PEPD: variants seen among roughly 807,000 people sequenced by gnomAD.
PEPD encodes the protein xaa-Pro dipeptidase.
PEPD carries 53 observed loss-of-function variants against 60.7 expected under a neutral mutation model. That is an observed-to-expected ratio of 0.87 (90% CI 0.70 to 1.10). PEPD has a LOEUF of 1.10. Among genes scored for constraint, PEPD ranks in the 50% least tolerant of loss-of-function variants. PEPD has a pLI of 0.00. For missense variants in PEPD, 711 were observed against 711.9 expected (o/e 1.00, Z 0.01); for synonymous variants, 267 against 284.1 (o/e 0.94, Z 0.60).
At chr19:33,394,958 C>T (rs991535968) in intron 12 of PEPD, among the ~76,000 whole-genome samples, 2 of 152,216 alleles carry the variant, frequency 1.3e-5, no homozygotes, top group African/African-American at 4.8e-5. Context: ...CCTGGGCCAT[C>T]TCTTTAGAAC....
chr19:33,423,005 C>T (rs1057139635), intron 9 of PEPD, among the ~76,000 whole-genome samples: 1 of 152,092 alleles, frequency 6.6e-6, no homozygotes, highest in African/African-American at 2.4e-5. Flanking sequence ...ACCTACCTAT[C>T]GTCTATCCAT....
intron 13 of PEPD, among the ~76,000 whole-genome samples, chr19:33,389,659 C>A (rs767609525): frequency 6.6e-6 from 1 of 152,236 alleles, no homozygotes; most frequent in Non-Finnish European, 1.5e-5. Context: ...CATGGGCCCA[C>A]CCCGGCTGCT....
intron 12 of PEPD, among the ~76,000 whole-genome samples, chr19:33,396,580 G>A (rs939193036): frequency 2.0e-5 from 3 of 152,146 alleles, no homozygotes; most frequent in Admixed American, 6.5e-5. Context: ...AAACACAAAA[G>A]AGCTCATGAA....
intron 13 of PEPD, among the ~76,000 whole-genome samples, chr19:33,389,783 C>G (rs1261508247): frequency 6.6e-6 from 1 of 152,272 alleles, no homozygotes; most frequent in Non-Finnish European, 1.5e-5. Context: ...GAAGGGATCC[C>G]CAGCGGGCAC....
intron 1 of PEPD, among the ~76,000 whole-genome samples, chr19:33,515,389 G>A (rs893844052): frequency 2.0e-5 from 3 of 152,174 alleles, no homozygotes; most frequent in Non-Finnish European, 2.9e-5. Flanking sequence ...GGACACCAGC[G>A]GCCAGAGCTT....
In PEPD at chr19:33,387,966, T is replaced by C; in HGVS notation, c.1268A>G (p.Asp423Gly). ...GCGGGCCGGGTCCGCCAGGGCCTCATCCAGGAGGTGGTCGATGAAGTAGAT... is the reference window on the plus strand; with the variant it reads ...GCGGGCCGGGTCCGCCAGGGCCTCACCCAGGAGGTGGTCGATGAAGTAGAT... ...PGIYFIDHLL[D>G]EALADPARAS... The change falls in exon 14 of 15, where the codon GAT (aspartate) becomes GGT (glycine). Residue 423 changes from aspartate to glycine, a missense_variant. Coordinates refer to ENST00000244137, the MANE Select transcript of PEPD (RefSeq NM_000285.4). 2 of 1,596,796 alleles carry C rather than the reference T, an allele frequency of 1.3e-6. No individual in the cohort carries two copies. Among genetic ancestry groups the C allele is most frequent in the East Asian group, 4.5e-5 (2 of 44,230 alleles).
At chr19:33,434,560 T>C (rs1969338258) in intron 9 of PEPD, among the ~76,000 whole-genome samples, 2 of 151,868 alleles carry the variant, frequency 1.3e-5, no homozygotes, top group African/African-American at 4.8e-5. Context: ...CAGGCGGGAA[T>C]GGGGTTCTCC....
intron 9 of PEPD, among the ~76,000 whole-genome samples, chr19:33,458,304 G>T (rs1203802822): frequency 6.6e-6 from 1 of 151,164 alleles, no homozygotes; most frequent in Non-Finnish European, 1.5e-5. Flanking sequence ...TGGTGTGTAG[G>T]TGCATGTGGC....
At chr19:33,487,830 T>TG (rs1241968407) in intron 6 of PEPD, among the ~76,000 whole-genome samples, 2 of 152,044 alleles carry the variant, frequency 1.3e-5, no homozygotes, top group South Asian at 2.1e-4. Context: ...CCACAGGGAC[T>TG]GGGGGGCAAC....
chr19:33,438,727 C>T (rs898319567), intron 9 of PEPD, among the ~76,000 whole-genome samples: 1 of 152,244 alleles, frequency 6.6e-6, no homozygotes, highest in Non-Finnish European at 1.5e-5. Context: ...GTGCTTCCTG[C>T]CCTTTTGAGA....
intron 12 of PEPD, 141 bp from the exon 13 acceptor site, chr19:33,391,620 T>C: frequency 1.3e-6 from 1 of 760,952 alleles, no homozygotes; most frequent in Non-Finnish European, 2.2e-6. Context: ...GGGTACTACA[T>C]CGGGGGCCCA....
chr19:33,395,684 C>G (rs1461039099), intron 12 of PEPD, among the ~76,000 whole-genome samples: 1 of 152,190 alleles, frequency 6.6e-6, no homozygotes, highest in Non-Finnish European at 1.5e-5. Flanking sequence ...GGCCTCCTAC[C>G]CGGAGTGTGA....
chr19:33,501,423 A>C (rs1428444480), intron 3 of PEPD, among the ~76,000 whole-genome samples: 1 of 152,172 alleles, frequency 6.6e-6, no homozygotes, highest in Non-Finnish European at 1.5e-5. Context: ...GGTCAGCCGC[A>C]GAATCCCAGC....
At chr19:33,401,258 AG>A (rs1250278904) in intron 12 of PEPD, among the ~76,000 whole-genome samples, 1 of 152,230 alleles carries the variant, frequency 6.6e-6, no homozygotes, top group African/African-American at 2.4e-5. Flanking sequence ...AGTCTCCATG[AG>A]TCGGCTGCTT....
intron 9 of PEPD, among the ~76,000 whole-genome samples, chr19:33,436,089 G>C (rs932804028): frequency 6.6e-6 from 1 of 152,108 alleles, no homozygotes; most frequent in Non-Finnish European, 1.5e-5. Context: ...AGAGGAGAAA[G>C]AAGCAGAGGA....
At chr19:33,470,540 T>A (rs752734403) in intron 7 of PEPD, among the ~76,000 whole-genome samples, 15 of 152,132 alleles carry the variant, frequency 9.9e-5, no homozygotes, top group Non-Finnish European at 2.2e-4. Context: ...TTCTCTGTGT[T>A]CCCTGGGTAG....
chr19:33,455,391 G>A (rs949834488), intron 9 of PEPD, among the ~76,000 whole-genome samples: 4 of 151,798 alleles, frequency 2.6e-5, no homozygotes, highest in Non-Finnish European at 5.9e-5. Flanking sequence ...GATAAAATTC[G>A]ACATCCTTTC....
intron 12 of PEPD, among the ~76,000 whole-genome samples, chr19:33,398,250 T>C (rs1420297923): frequency 6.6e-6 from 1 of 152,202 alleles, no homozygotes; most frequent in Non-Finnish European, 1.5e-5. Context: ...TTGCTGGGCT[T>C]GGTGGGCCCC....
intron 7 of PEPD, among the ~76,000 whole-genome samples, chr19:33,473,436 A>G (rs1267276076): frequency 1.3e-5 from 2 of 152,104 alleles, no homozygotes; most frequent in South Asian, 4.1e-4. Context: ...GAGGCCGGGG[A>G]GCAGAAATAG....
Sources: allele counts gnomAD v4.1 joint callset (sites outside exome capture counted in the v4.1 genomes callset), GRCh38; gene constraint gnomAD v4.1.1; transcripts MANE v1.5; gene names NCBI Gene and HGNC (gene_info 2026-07-23, HGNC 2026-07-21).